Variants in CREB3L1 observed in about 807,000 individuals in gnomAD.
The protein encoded by CREB3L1 is cyclic AMP-responsive element-binding protein 3-like protein 1.
A neutral mutation model predicts 54.5 loss-of-function variants in CREB3L1; 33 were observed. The observed-to-expected ratio is 0.61, with a 90% CI of 0.46 to 0.81. CREB3L1 has a LOEUF of 0.81. Among genes scored for constraint, CREB3L1 ranks in the 30% least tolerant of loss-of-function variants. The probability of loss-of-function intolerance (pLI) is 0.00; values close to 1 mark genes in which losing one functional copy is unlikely to be tolerated. For missense variants in CREB3L1, 656 were observed against 673.3 expected (o/e 0.97, Z 0.29); for synonymous variants, 284 against 286.4 (o/e 0.99, Z 0.08).
Position 46,310,082 on chromosome 11 carries a change from G to T in CREB3L1, c.595+15G>T, listed in dbSNP as rs760584404. 6.4e-7 allele frequency: 1 copy of T among 1,563,870 alleles called. No homozygotes were observed. The highest frequency in any genetic ancestry group is 8.7e-7 in the Non-Finnish European group (1 of 1,150,906). On this transcript the variant is annotated intron_variant, in intron 4 of 11. Coordinates refer to ENST00000621158, the MANE Select transcript of CREB3L1 (RefSeq NM_052854.4). ...AGTGACACCGGGTAGGTGTGTCCAG[G>T]GGAAGGGCTCTTTTCCCCTCCAGTC...
rs1053651067 is a variant in CREB3L1 at position 46,308,090 on chromosome 11, G to T, written c.516+90G>T. 3.3e-6 allele frequency: 4 copies of T among 1,230,026 alleles called. No homozygotes were observed. The African/African-American group carries it at 6.2e-5, about 19-fold the overall frequency. 76.2% of individuals were successfully genotyped at this position (1,230,026 alleles called of 1,614,324 possible). On this transcript the variant is annotated intron_variant, in intron 3 of 11. Coordinates refer to ENST00000621158, the MANE Select transcript of CREB3L1 (RefSeq NM_052854.4). The stretch of plus-strand genomic sequence containing the variant: ...GGTGCCCAAAGCCCTGTGCCCTGGG[G>T]CTCTGTGAACAGGAAGACATGAGCC...
chr11:46,292,463 A>C (rs1297051803), intron 1 of CREB3L1, among the ~76,000 whole-genome samples: 2 of 152,172 alleles, frequency 1.3e-5, no homozygotes, highest in Non-Finnish European at 2.9e-5. Context: ...TTCAAACGAG[A>C]ATTGGACACA....
chr11:46,305,732 G>GTGTGTATA (rs1480133780), intron 2 of CREB3L1, among the ~76,000 whole-genome samples: 1 of 118,494 alleles, frequency 8.4e-6, no homozygotes, highest in African/African-American at 3.7e-5. Context: ...GTGTGTGTGT[G>GTGTGTATA]TATATATATA....
chr11:46,316,525 G>A lies in CREB3L1; in HGVS notation c.1131+140G>A, dbSNP rs1415187869. 3.0e-5 allele frequency: 19 copies of A among 636,314 alleles called. No individual in the cohort carries two copies. The African/African-American group carries it at 3.5e-4, about 12-fold the overall frequency. 39.4% of individuals were successfully genotyped at this position (636,314 alleles called of 1,614,324 possible). The stretch of plus-strand genomic sequence containing the variant: ...GGGTACACCATCCTGGCGCCTGGTG[G>A]GCTGGTTCTAGCAGACTCCAGACTC... On this transcript the variant is annotated intron_variant, in intron 9 of 11. Transcript: ENST00000621158.
intron 1 of CREB3L1, among the ~76,000 whole-genome samples, chr11:46,291,164 T>C (rs886321175): frequency 6.6e-6 from 1 of 152,180 alleles, no homozygotes; most frequent in East Asian, 1.9e-4. Context: ...TGCCAGTCCT[T>C]CTCTTCTCCT....
At chr11:46,288,730 C>T (rs921971148) in intron 1 of CREB3L1, among the ~76,000 whole-genome samples, 5 of 152,122 alleles carry the variant, frequency 3.3e-5, no homozygotes, top group Non-Finnish European at 2.9e-5. Context: ...TGTATCTGGC[C>T]CTGGACTAGG....
At chr11:46,280,972 A>G (rs376730941) in intron 1 of CREB3L1, among the ~76,000 whole-genome samples, 4 of 152,248 alleles carry the variant, frequency 2.6e-5, no homozygotes, top group African/African-American at 7.2e-5. Flanking sequence ...TGCAAAATGC[A>G]AAATGTATGC....
intron 4 of CREB3L1, 25 bp downstream of exon 4, chr11:46,310,092 C>T: frequency 6.6e-7 from 1 of 1,524,998 alleles, no homozygotes; most frequent in East Asian, 2.4e-5. Flanking sequence ...GGGAAGGGCT[C>T]TTTTCCCCTC....
intron 8 of CREB3L1, 31 bp downstream of exon 8, chr11:46,312,950 C>T (rs1244622562): frequency 4.0e-6 from 6 of 1,515,314 alleles, no homozygotes; most frequent in Non-Finnish European, 3.6e-6. Context: ...CCAACCTGGC[C>T]CCCTGCCCCT....
rs747342978 is a variant in CREB3L1 at position 46,309,994 on chromosome 11, G to C, written c.522G>C (p.Pro174=). 3 of 1,599,660 alleles carry C rather than the reference G, an allele frequency of 1.9e-6. No homozygotes were observed. Among genetic ancestry groups the C allele is most frequent in the African/African-American group, 2.7e-5 (2 of 74,526 alleles). The stretch of plus-strand genomic sequence containing the variant: ...TGGGCTTGTCTGTTCCTCAGGCCCC[G>C]GGAGAGATGACTCAGCTGCCAGTGA... ...LSRLPIPHQA[P]GEMTQLPVIK... is the part of the protein sequence containing the mutation. Residue 174 remains proline, a synonymous_variant, in exon 4 of 12, where the codon CCG becomes CCC. Coordinates refer to ENST00000621158, the MANE Select transcript of CREB3L1 (RefSeq NM_052854.4).
chr11:46,285,781 C>T (rs745886758), intron 1 of CREB3L1, among the ~76,000 whole-genome samples: 4 of 152,222 alleles, frequency 2.6e-5, no homozygotes, highest in African/African-American at 7.2e-5. Context: ...ATGTGCGGTC[C>T]GACATAACAG....
chr11:46,282,239 G>A (rs1396376447), intron 1 of CREB3L1, among the ~76,000 whole-genome samples: 2 of 152,290 alleles, frequency 1.3e-5, no homozygotes, highest in East Asian at 3.9e-4. Context: ...TCTATTTGCA[G>A]CCATCGAGGT....
chr11:46,290,857 T>C (rs1294563611), intron 1 of CREB3L1, among the ~76,000 whole-genome samples: 2 of 152,090 alleles, frequency 1.3e-5, no homozygotes, highest in East Asian at 3.9e-4. Context: ...CTGGATGCAC[T>C]GGAAGGGCCC....
rs866493698 is a variant in CREB3L1, at chr11:46,278,178, G to T, written c.67G>T (p.Gly23Trp). ...CCCCGGATCCAGCTTCCTGGACTTG[G>T]GGGATCTGAACGAGTCGGACTTCCT... is the stretch of plus-strand genomic sequence containing the variant. The part of the protein sequence containing the change: ...LFPGSSFLDL[G>W]DLNESDFLNN... Residue 23 changes from glycine to tryptophan, a missense_variant, in exon 1 of 12, where the codon GGG becomes TGG. Around this residue, in one of 3 missense-constraint regions of CREB3L1, gnomAD observed 339 missense variants for 331.5 expected, o/e 1.02. Coordinates refer to ENST00000621158, the MANE Select transcript of CREB3L1 (RefSeq NM_052854.4). This position sits in a 1 kb window ranked among gnomAD's most constrained non-coding sequence, Gnocchi z 4.2. 6.3e-7 allele frequency: 1 copy of T among 1,577,622 alleles called. No individual in the cohort carries two copies.
chr11:46,281,329 G>A (rs1021531694), intron 1 of CREB3L1, among the ~76,000 whole-genome samples: 16 of 152,206 alleles, frequency 1.1e-4, no homozygotes, highest in Non-Finnish European at 1.6e-4. Context: ...AGGACCAGAG[G>A]GAGAGCAGGT....
intron 2 of CREB3L1, among the ~76,000 whole-genome samples, chr11:46,305,746 A>ATAT (rs1182288210): frequency 0.017 from 2,169 of 129,126 alleles, 71 homozygotes; most frequent in African/African-American, 0.065. Flanking sequence ...ATATATATAT[A>ATAT]TTTTTTTTTA....
At chr11:46,303,175 T>A (rs963441734) in intron 2 of CREB3L1, among the ~76,000 whole-genome samples, 2 of 152,130 alleles carry the variant, frequency 1.3e-5, no homozygotes, top group Non-Finnish European at 2.9e-5. Context: ...TTGGTGTGCA[T>A]CCCCGTGTCT....
chr11:46,311,696 C>A (rs1012544329), intron 5 of CREB3L1, among the ~76,000 whole-genome samples: 2 of 152,156 alleles, frequency 1.3e-5, no homozygotes, highest in Non-Finnish European at 2.9e-5. Flanking sequence ...CAGCATTTCA[C>A]CATGTTGGCC....
intron 4 of CREB3L1, 142 bp downstream of exon 4, chr11:46,310,209 C>T: frequency 1.6e-6 from 1 of 642,732 alleles, no homozygotes. Flanking sequence ...TACCCACTGT[C>T]CCTCCATCCA....
Sources: gnomAD v4.1 joint callset for allele counts (sites outside exome capture counted in the v4.1 genomes callset) on GRCh38, gnomAD v4.1.1 for gene constraint, gnomAD v4.1.1 regional missense constraint, Gnocchi (gnomAD v3.1) non-coding constraint, MANE v1.5 for transcripts, NCBI Gene and HGNC (gene_info 2026-07-23, HGNC 2026-07-21) for gene names.